The following ANKIB1 variants were observed in gnomAD, a reference collection of about 807,000 sequenced individuals.
The protein encoded by ANKIB1 is ankyrin repeat and IBR domain-containing protein 1.
ANKIB1 carries 43 observed loss-of-function variants against 122.1 expected under a neutral mutation model. The observed-to-expected ratio is 0.35, with a 90% CI of 0.28 to 0.45. ANKIB1 has a LOEUF of 0.45. Ranked by LOEUF, ANKIB1 falls within the 20% of genes least tolerant of loss-of-function variation. ANKIB1 has a pLI of 1.00. For missense variants in ANKIB1, 992 were observed against 1,329.5 expected, an observed-to-expected ratio of 0.75 and a Z score of 3.95; for synonymous variants, 390 against 442.0, an observed-to-expected ratio of 0.88 and a Z score of 1.48.
chr7:92,250,779 TTCTG>T lies in ANKIB1; in HGVS notation c.-91+4264_-91+4267del, dbSNP rs533658206. On this transcript the variant is annotated intron_variant, in intron 1 of 19. Transcript: ENST00000265742. Reference sequence around the variant, plus strand: ...ATACTTTATCAGTAATTTGATATGATTCTGTCTAATACTTTTTCAGACACTCAGC... The same window carrying T: ...ATACTTTATCAGTAATTTGATATGATTCTAATACTTTTTCAGACACTCAGC... Among the ~76,000 whole-genome samples the T allele has an allele frequency of 2.4e-3, 365 of 152,364 alleles. 2 individuals are homozygous for T. Among genetic ancestry groups the T allele is most frequent in the African/African-American group, 8.1e-3 (338 of 41,584 alleles).
intron 11 of ANKIB1, among the ~76,000 whole-genome samples, chr7:92,374,518 T>A (rs1804340920): frequency 6.6e-6 from 1 of 152,100 alleles, no homozygotes; most frequent in Non-Finnish European, 1.5e-5. Context: ...AGTTACAAGA[T>A]GTCTTTTAGA....
intron 5 of ANKIB1, among the ~76,000 whole-genome samples, chr7:92,331,019 C>T (rs1460096036): frequency 1.3e-5 from 2 of 152,048 alleles, no homozygotes; most frequent in Admixed American, 1.3e-4. Flanking sequence ...TTTTAAAATG[C>T]AAGGTCTGCA....
intron 1 of ANKIB1, among the ~76,000 whole-genome samples, chr7:92,256,680 C>T (rs1284881711): frequency 6.6e-6 from 1 of 152,102 alleles, no homozygotes. Context: ...CATATTCTTT[C>T]TAGGCATGCT....
chr7:92,295,207 G>A (rs376422379), intron 2 of ANKIB1, 41 bp downstream of exon 2: 53 of 1,332,140 alleles, frequency 4.0e-5, no homozygotes, highest in African/African-American at 1.8e-4. Flanking sequence ...GGGTATTACC[G>A]TAAACTAATT....
chr7:92,317,785 G>A (rs1802823553), intron 3 of ANKIB1, among the ~76,000 whole-genome samples: 1 of 152,174 alleles, frequency 6.6e-6, no homozygotes, highest in Admixed American at 6.5e-5. Context: ...GGAAGATTGT[G>A]TGTTTGTTGA....
chr7:92,247,101 A>G (rs1329228500), intron 1 of ANKIB1, among the ~76,000 whole-genome samples: 1 of 152,228 alleles, frequency 6.6e-6, no homozygotes, highest in Non-Finnish European at 1.5e-5. Context: ...TAGAGCTGTA[A>G]TAAAGCATCT....
chr7:92,307,107 C>T (rs1204226036), intron 2 of ANKIB1, among the ~76,000 whole-genome samples: 1 of 152,014 alleles, frequency 6.6e-6, no homozygotes, highest in Non-Finnish European at 1.5e-5. Context: ...TTTTCCCTTC[C>T]TTTCCCTCCC....
chr7:92,354,191 A>G (rs1562790657), intron 9 of ANKIB1, among the ~76,000 whole-genome samples: 2 of 152,198 alleles, frequency 1.3e-5, no homozygotes, highest in South Asian at 2.1e-4. Flanking sequence ...GAAAAAACCT[A>G]CCAATATAGG....
At position 92,352,579 on chromosome 7, in the gene ANKIB1, C is replaced by T. The variant is rs1803690106; in HGVS notation, c.1334C>T (p.Thr445Ile). 2.5e-6 allele frequency: 4 copies of T among 1,613,410 alleles called. No individual in the cohort carries two copies. The highest frequency in any genetic ancestry group is 2.2e-5 in the East Asian group (1 of 44,836). ...GGGTCAAATACATCTGGATCTGATA[C>T]ACTCAGCTTCCCATTGCTGAGAGCT... Reference protein sequence around the residue: ...KQGSNTSGSDTLSFPLLRAPA... With the variant: ...KQGSNTSGSDILSFPLLRAPA... The change falls in exon 9 of 20, where the codon ACA (threonine) becomes ATA (isoleucine). Residue 445 changes from threonine (T) to isoleucine (I), a missense_variant. By Grantham distance (89) the Thr-to-Ile change is moderately conservative. This residue lies in a region of ANKIB1 where 521 missense variants were observed against 777.7 expected (regional missense o/e 0.67). Transcript: ENST00000265742.
intron 4 of ANKIB1, among the ~76,000 whole-genome samples, chr7:92,320,801 A>T (rs1349024629): frequency 6.6e-6 from 1 of 152,190 alleles, no homozygotes; most frequent in African/African-American, 2.4e-5. Flanking sequence ...ATTCAGAATG[A>T]CATTTTAAAT....
chr7:92,386,900 AATTTTAAC>A (rs1804665189), intron 12 of ANKIB1, among the ~76,000 whole-genome samples: 1 of 152,188 alleles, frequency 6.6e-6, no homozygotes, highest in African/African-American at 2.4e-5. Flanking sequence ...ACTTAAAAAC[AATTTTAAC>A]ATTAATATCA....
chr7:92,389,376 TA>T (rs1457851143), intron 14 of ANKIB1, among the ~76,000 whole-genome samples: 1 of 152,056 alleles, frequency 6.6e-6, no homozygotes, highest in Non-Finnish European at 1.5e-5. Flanking sequence ...CCTAGACTGT[TA>T]TAATGATGTT....
At chr7:92,389,867 T>G (rs1804747951) in intron 14 of ANKIB1, 104 bp from the exon 15 acceptor site, 1 of 1,235,582 alleles carries the variant, frequency 8.1e-7, no homozygotes, top group Non-Finnish European at 1.1e-6. Context: ...TTTGTCCTAA[T>G]GATCCTTCTT....
At chr7:92,329,964 T>C (rs1803133652) in intron 5 of ANKIB1, among the ~76,000 whole-genome samples, 1 of 152,228 alleles carries the variant, frequency 6.6e-6, no homozygotes, top group African/African-American at 2.4e-5. Context: ...AGCATGTCAT[T>C]CCCCTGCTGA....
chr7:92,393,058 C>T (rs1327176413), intron 17 of ANKIB1, among the ~76,000 whole-genome samples: 2 of 152,028 alleles, frequency 1.3e-5, no homozygotes, highest in Non-Finnish European at 2.9e-5. Context: ...AATATGATAA[C>T]CCTTCAACTT....
intron 1 of ANKIB1, among the ~76,000 whole-genome samples, chr7:92,259,502 A>C (rs1290979968): frequency 6.6e-6 from 1 of 152,192 alleles, no homozygotes; most frequent in Non-Finnish European, 1.5e-5. Context: ...GGGCAGGATG[A>C]AAATCTCTGC....
At chr7:92,385,663 T>C (rs1002704987) in intron 11 of ANKIB1, among the ~76,000 whole-genome samples, 5 of 152,092 alleles carry the variant, frequency 3.3e-5, no homozygotes, top group Admixed American at 2.6e-4. Context: ...TTTTCACTCA[T>C]AGGTGGGAAT....
At chr7:92,332,521 G>A (rs2131963573) in intron 5 of ANKIB1, among the ~76,000 whole-genome samples, 1 of 152,218 alleles carries the variant, frequency 6.6e-6, no homozygotes, top group Non-Finnish European at 1.5e-5. Context: ...GACTATGTTA[G>A]GAATACAAAG....
intron 3 of ANKIB1, among the ~76,000 whole-genome samples, chr7:92,311,805 A>G (rs1450687011): frequency 6.6e-6 from 1 of 152,096 alleles, no homozygotes; most frequent in Non-Finnish European, 1.5e-5. Context: ...TGAAGGTATC[A>G]CATGGTATGT....
Sources: gnomAD v4.1 joint callset for allele counts (sites outside exome capture counted in the v4.1 genomes callset) on GRCh38, gnomAD v4.1.1 for gene constraint, gnomAD v4.1.1 regional missense constraint, MANE v1.5 for transcripts, NCBI Gene and HGNC (gene_info 2026-07-23, HGNC 2026-07-21) for gene names.